CRISPLD2: variants seen among roughly 807,000 people sequenced by gnomAD.
The protein encoded by CRISPLD2 is cysteine rich secretory protein LCCL domain containing 2, also known as cysteine-rich secretory protein LCCL domain-containing 2.
A neutral mutation model predicts 71.1 loss-of-function variants in CRISPLD2; 47 were observed. The observed-to-expected ratio is 0.66, with a 90% CI of 0.52 to 0.84. The LOEUF is 0.84. Among genes scored for constraint, CRISPLD2 ranks in the 40% least tolerant of loss-of-function variants. The pLI is 0.00. For synonymous variants in CRISPLD2, 317 were observed against 250.1 expected (o/e 1.27, Z -2.52); for missense variants, 830 against 651.1 (o/e 1.27, Z -2.99).
chr16:84,859,189 G>T (rs962855039), intron 6 of CRISPLD2, among the ~76,000 whole-genome samples: 2 of 152,200 alleles, frequency 1.3e-5, no homozygotes, highest in African/African-American at 4.8e-5. Context: ...TCTGCCAGCT[G>T]CTAAGTATGT....
At chr16:84,866,824 C>CT (rs909698770) in intron 6 of CRISPLD2, 73 bp from the exon 7 acceptor site, 34 of 1,458,336 alleles carry the variant, frequency 2.3e-5, no homozygotes, top group African/African-American at 5.7e-5. Flanking sequence ...TTTCAAATTG[C>CT]TTTTTTTTCC....
rs543062670 is a variant in CRISPLD2, at chr16:84,901,031, A to G, written c.1440-5557A>G. Among the ~76,000 whole-genome samples, 242 of 147,474 alleles carry G rather than the reference A, an allele frequency of 1.6e-3. 2 individuals are homozygous for G. The highest frequency in any genetic ancestry group is 3.4e-3 in the Middle Eastern group (1 of 292). On this transcript the variant is annotated intron_variant, in intron 14 of 14. Coordinates refer to ENST00000262424, the MANE Select transcript of CRISPLD2 (RefSeq NM_031476.4). The stretch of plus-strand genomic sequence containing the variant: ...TGTCACTGCACACACACACACACAC[A>G]CACACACACACACGCAAAAAAAAAA...
intron 1 of CRISPLD2, among the ~76,000 whole-genome samples, chr16:84,835,424 G>A (rs1916594579): frequency 6.6e-6 from 1 of 152,104 alleles, no homozygotes; most frequent in Admixed American, 6.5e-5. Flanking sequence ...GTGTTCTCCT[G>A]CGGCCCAAAT....
At chr16:84,824,256 A>G (rs1023778648) in intron 1 of CRISPLD2, among the ~76,000 whole-genome samples, 1 of 152,208 alleles carries the variant, frequency 6.6e-6, no homozygotes, top group African/African-American at 2.4e-5. Flanking sequence ...AGCCAGGCTC[A>G]GGGCAGCAAA....
At chr16:84,884,068 C>T (rs2071591097) in intron 13 of CRISPLD2, among the ~76,000 whole-genome samples, 1 of 152,146 alleles carries the variant, frequency 6.6e-6, no homozygotes, top group East Asian at 1.9e-4. Flanking sequence ...TGGTCTCGAA[C>T]TCCTGACCTC....
chr16:84,898,008 C>T (rs1597486253), intron 14 of CRISPLD2, among the ~76,000 whole-genome samples: 6 of 152,350 alleles, frequency 3.9e-5, no homozygotes, highest in African/African-American at 1.2e-4. Flanking sequence ...TGTCTAGCCA[C>T]ACCGTGGTTT....
chr16:84,878,992 C>T (rs553867919), intron 12 of CRISPLD2, among the ~76,000 whole-genome samples: 1 of 152,180 alleles, frequency 6.6e-6, no homozygotes, highest in South Asian at 2.1e-4. Flanking sequence ...TCATCCTGGG[C>T]TGGAGACCTG....
chr16:84,824,470 C>T (rs986211070), intron 1 of CRISPLD2, among the ~76,000 whole-genome samples: 1 of 152,180 alleles, frequency 6.6e-6, no homozygotes, highest in Non-Finnish European at 1.5e-5. Flanking sequence ...CCCCCCAGTC[C>T]AAGAGCTGTT....
Position 84,872,441 on chromosome 16 carries a change from G to C in CRISPLD2, c.915-1G>C, listed in dbSNP as rs370188694. On this transcript the variant is annotated splice_acceptor_variant, in intron 8 of 14. Coordinates refer to ENST00000262424, the MANE Select transcript of CRISPLD2 (RefSeq NM_031476.4). LOFTEE classifies it high-confidence loss of function. ...ACATCATTTTATTTCTTCCTCGTCAGGTACCAGTGCCCAGCAGGCTGCCTG... is the reference window on the plus strand; with the variant it reads ...ACATCATTTTATTTCTTCCTCGTCACGTACCAGTGCCCAGCAGGCTGCCTG... The C allele has an allele frequency of 6.2e-7, 1 of 1,613,366 alleles. No individual in the cohort carries two copies. The highest frequency in any genetic ancestry group is 8.5e-7 in the Non-Finnish European group (1 of 1,179,560).
At chr16:84,899,012 C>T (rs1170859907) in intron 14 of CRISPLD2, among the ~76,000 whole-genome samples, 1 of 152,174 alleles carries the variant, frequency 6.6e-6, no homozygotes, top group Non-Finnish European at 1.5e-5. Context: ...CCCACCTCAG[C>T]CTCCCTAGTT....
chr16:84,872,706 G>T (rs2071481917), intron 9 of CRISPLD2, among the ~76,000 whole-genome samples, 198 bp downstream of exon 9: 1 of 152,178 alleles, frequency 6.6e-6, no homozygotes, highest in Non-Finnish European at 1.5e-5. Flanking sequence ...CCTCCTGAAG[G>T]CCAGTCTCCG....
At chr16:84,856,623 A>G (rs551504520) in intron 6 of CRISPLD2, among the ~76,000 whole-genome samples, 1 of 152,300 alleles carries the variant, frequency 6.6e-6, no homozygotes, top group South Asian at 2.1e-4. Flanking sequence ...AATATTGGCT[A>G]TGGGAGAAAC....
At chr16:84,847,582 C>T (rs576809531) in intron 3 of CRISPLD2, among the ~76,000 whole-genome samples, 2 of 151,426 alleles carry the variant, frequency 1.3e-5, no homozygotes, top group East Asian at 1.9e-4. Context: ...ACCCTGGAGG[C>T]GGAGGCTGCA....
intron 5 of CRISPLD2, among the ~76,000 whole-genome samples, chr16:84,852,017 C>G (rs150697270): frequency 0.017 from 2,527 of 150,608 alleles, 21 homozygotes; most frequent in South Asian, 0.024. Flanking sequence ...GTCCCCTGGA[C>G]CAAGGGGTGG....
rs146839144 is a variant in CRISPLD2 at position 84,871,653 on chromosome 16, G to A, written c.915-789G>A. On this transcript the variant is annotated intron_variant, in intron 8 of 14. Coordinates refer to ENST00000262424, the MANE Select transcript of CRISPLD2 (RefSeq NM_031476.4). Reference sequence around the variant, plus strand: ...TGTAACCTCTGCCTCCAGGGTTCAAGTGACTTTCCTGCCTCAGCCTCCCAA... The same window carrying A: ...TGTAACCTCTGCCTCCAGGGTTCAAATGACTTTCCTGCCTCAGCCTCCCAA... 5.7e-4 allele frequency among the ~76,000 whole-genome samples: 87 copies of A among 152,188 alleles called. 1 individual carries two copies. The highest frequency in any genetic ancestry group is 2.0e-3 in the African/African-American group (81 of 41,516).
chr16:84,878,997 G>A (rs1193268213), intron 12 of CRISPLD2, among the ~76,000 whole-genome samples: 2 of 152,172 alleles, frequency 1.3e-5, no homozygotes, highest in Admixed American at 1.3e-4. Flanking sequence ...CTGGGCTGGA[G>A]ACCTGTGGAT....
At chr16:84,883,787 C>T (rs986044668) in intron 13 of CRISPLD2, among the ~76,000 whole-genome samples, 13 of 151,736 alleles carry the variant, frequency 8.6e-5, no homozygotes, top group African/African-American at 4.8e-5. Context: ...TCTTGACTGA[C>T]GCCTACTGAG....
intron 13 of CRISPLD2, among the ~76,000 whole-genome samples, chr16:84,883,017 CT>C (rs1305264425): frequency 6.6e-6 from 1 of 152,154 alleles, no homozygotes; most frequent in African/African-American, 2.4e-5. Flanking sequence ...GGATTTTGAG[CT>C]TTTGGGACCA....
intron 14 of CRISPLD2, 22 bp downstream of exon 14, chr16:84,889,385 C>G: frequency 1.3e-6 from 2 of 1,594,268 alleles, no homozygotes; most frequent in South Asian, 2.3e-5. Context: ...TTCTCCAACC[C>G]TTGACACCCA....
Sources: allele counts gnomAD v4.1 joint callset (sites outside exome capture counted in the v4.1 genomes callset), GRCh38; gene constraint gnomAD v4.1.1; transcripts MANE v1.5; gene names NCBI Gene and HGNC (gene_info 2026-07-23, HGNC 2026-07-21).